Variants in INPP5D observed in about 807,000 individuals in gnomAD.
INPP5D encodes the protein inositol polyphosphate-5-phosphatase D.
In INPP5D, 33 loss-of-function variants were observed where a neutral mutation model predicts 122.9. That is an observed-to-expected ratio of 0.27 (90% CI 0.20 to 0.36). The LOEUF is 0.36. Among genes scored for constraint, INPP5D ranks in the 10% least tolerant of loss-of-function variants. INPP5D has a pLI of 1.00. For missense variants in INPP5D, 1,053 were observed against 1,412.7 expected (o/e 0.75, Z 4.08); for synonymous variants, 584 against 576.2 (o/e 1.01, Z -0.19).
At chr2:233,198,444 A>C in intron 25 of INPP5D, 68 bp downstream of exon 25, 1 of 1,526,316 alleles carries the variant, frequency 6.6e-7, no homozygotes, top group Middle Eastern at 1.8e-4. Context: ...TTGGGCTTTC[A>C]CCCTAGAATG....
At chr2:233,117,956 T>G (rs956596684) in intron 2 of INPP5D, among the ~76,000 whole-genome samples, 1 of 152,290 alleles carries the variant, frequency 6.6e-6, no homozygotes, top group Admixed American at 6.5e-5. Context: ...GGCAAATCCA[T>G]GGAACCACTA....
intron 17 of INPP5D, among the ~76,000 whole-genome samples, chr2:233,175,501 G>T (rs1007087465): frequency 2.0e-5 from 3 of 152,094 alleles, no homozygotes; most frequent in Non-Finnish European, 2.9e-5. Context: ...GGCTTATGAG[G>T]GAAGCTTTAG....
chr2:233,177,496 T>G lies in INPP5D; in HGVS notation c.2071+150T>G. On this transcript the variant is annotated intron_variant, in intron 18 of 26. Transcript: ENST00000445964. This position sits in a 1 kb window ranked among gnomAD's most constrained non-coding sequence, Gnocchi z 4.2. Reference sequence around the variant, plus strand: ...CCCTAATCAGGCGACCTGGAAATGTTGATGCTTCCCTGCCTGTCTTGTGCT... The same window carrying G: ...CCCTAATCAGGCGACCTGGAAATGTGGATGCTTCCCTGCCTGTCTTGTGCT... 1 of 1,320,256 alleles carries G rather than the reference T, an allele frequency of 7.6e-7. No homozygotes were observed. The highest frequency in any genetic ancestry group is 1.5e-5 in the African/African-American group (1 of 68,688). The allele number at this position is 1,320,256 out of a possible 1,614,324, so 81.8% of individuals were successfully genotyped here.
chr2:233,202,666 C>T lies in INPP5D; in HGVS notation c.2976-1460C>T, dbSNP rs569871994. On this transcript the variant is annotated intron_variant, in intron 25 of 26. Transcript: ENST00000445964. ...TTCCCAGCGATCCACAATTTCTTCA[C>T]GATAGCTTCCTTTTCTGTAGAAAGC... 1.8e-4 allele frequency among the ~76,000 whole-genome samples: 27 copies of T among 152,348 alleles called. 1 individual carries two copies. In the South Asian group the frequency reaches 2.9e-3, roughly 16 times the overall value.
chr2:233,190,491 CT>C (rs991208911), intron 22 of INPP5D, among the ~76,000 whole-genome samples: 4 of 152,356 alleles, frequency 2.6e-5, no homozygotes, highest in Non-Finnish European at 5.9e-5. Flanking sequence ...CGAAGACCCC[CT>C]CTCCCCAGCC....
At chr2:233,145,406 C>A (rs1559316814) in intron 6 of INPP5D, 2 of 444,936 alleles carry the variant, frequency 4.5e-6, no homozygotes, top group Non-Finnish European at 9.1e-6. Flanking sequence ...GATCTCCATT[C>A]TCACGGAGCC....
At chr2:233,194,549 G>A (rs917642778) in intron 23 of INPP5D, among the ~76,000 whole-genome samples, 1 of 145,254 alleles carries the variant, frequency 6.9e-6, no homozygotes, top group Admixed American at 7.0e-5. Flanking sequence ...TCAGGCTGGA[G>A]TGCAGTGGCA....
intron 2 of INPP5D, among the ~76,000 whole-genome samples, chr2:233,099,792 G>C (rs548435065): frequency 6.6e-6 from 1 of 152,268 alleles, no homozygotes; most frequent in African/African-American, 2.4e-5. Flanking sequence ...GGGGTGGGGC[G>C]TGTATTAGTC....
chr2:233,076,667 T>A (rs1306229005), intron 1 of INPP5D, among the ~76,000 whole-genome samples: 3 of 151,988 alleles, frequency 2.0e-5, no homozygotes, highest in South Asian at 2.1e-4. Flanking sequence ...TATATCAGAG[T>A]CTTATTCATA....
intron 6 of INPP5D, 129 bp from the exon 7 acceptor site, chr2:233,146,032 GA>G (rs1248896441): frequency 2.8e-6 from 2 of 703,008 alleles, no homozygotes; most frequent in African/African-American, 3.5e-5. Flanking sequence ...GCCAGAAGGG[GA>G]TAATAATAGA....
At chr2:233,107,932 T>C (rs1355061256) in intron 2 of INPP5D, among the ~76,000 whole-genome samples, 1 of 152,158 alleles carries the variant, frequency 6.6e-6, no homozygotes, top group East Asian at 1.9e-4. Context: ...GAGACTGGCA[T>C]TGGCTTTTAC....
In INPP5D at chr2:233,163,783, G is replaced by A. The variant is rs531976699; in HGVS notation, c.1317G>A (p.Ala439=). The change falls in exon 12 of 27, where the codon GCG becomes GCA. Residue 439 remains alanine, a synonymous_variant. Coordinates refer to ENST00000445964, the MANE Select transcript of INPP5D (RefSeq NM_001017915.3). ...KGQGKTRDDS[A]DYIPHDIYVI... ...AGGGAAAGACGCGGGACGACTCTGC[G>A]GACTACATCCCCCATGACATTTACG... 19 of 1,613,904 alleles carry A rather than the reference G, an allele frequency of 1.2e-5. No homozygotes were observed. The highest frequency in any genetic ancestry group is 2.2e-5 in the East Asian group (1 of 44,886).
In INPP5D at chr2:233,177,878, A is replaced by G. The variant is rs531375680; in HGVS notation, c.2071+532A>G. On this transcript the variant is annotated intron_variant, in intron 18 of 26. Transcript: ENST00000445964. This position sits in a 1 kb window ranked among gnomAD's most constrained non-coding sequence, Gnocchi z 4.2. The stretch of plus-strand genomic sequence containing the variant: ...GCATGAGCCACCGCGGCCGACCCGG[A>G]GCACTTTTTTAAAAATTCAGTTTTA... Among the ~76,000 whole-genome samples the G allele has an allele frequency of 2.6e-5, 4 of 152,330 alleles. No homozygotes were observed. The highest frequency in any genetic ancestry group is 9.6e-5 in the African/African-American group (4 of 41,582).
chr2:233,117,330 C>T (rs1263558209), intron 2 of INPP5D, among the ~76,000 whole-genome samples: 1 of 152,170 alleles, frequency 6.6e-6, no homozygotes, highest in Non-Finnish European at 1.5e-5. Context: ...CCCTCTGTCT[C>T]CTTGGGCGCC....
At chr2:233,076,961 GTC>G (rs1328246167) in intron 1 of INPP5D, among the ~76,000 whole-genome samples, 6 of 152,204 alleles carry the variant, frequency 3.9e-5, no homozygotes, top group Non-Finnish European at 1.5e-5. Context: ...ACAGTTGGTA[GTC>G]TCTATCAAAA....
chr2:233,117,820 G>A (rs531078517), intron 2 of INPP5D, among the ~76,000 whole-genome samples: 11 of 152,324 alleles, frequency 7.2e-5, no homozygotes, highest in East Asian at 1.9e-4. Flanking sequence ...GCTGGGGGAT[G>A]TGAGTGAGGG....
chr2:233,140,092 C>A, intron 6 of INPP5D, 163 bp downstream of exon 6: 1 of 386,624 alleles, frequency 2.6e-6, no homozygotes, highest in East Asian at 3.7e-5. Context: ...AGCCTCAGCC[C>A]CTGCCCTTTC....
chr2:233,068,607 G>A (rs981138550), intron 1 of INPP5D, among the ~76,000 whole-genome samples: 2 of 151,724 alleles, frequency 1.3e-5, no homozygotes, highest in African/African-American at 4.9e-5. Context: ...AAAAAAAATC[G>A]TGCTGGCAAT....
At chr2:233,081,427 C>T (rs1020289167) in intron 2 of INPP5D, among the ~76,000 whole-genome samples, 6 of 152,220 alleles carry the variant, frequency 3.9e-5, no homozygotes, top group Non-Finnish European at 5.9e-5. Flanking sequence ...TTCTTCTCTT[C>T]CTTCAAAGTG....
Sources: gnomAD v4.1 joint callset for allele counts (sites outside exome capture counted in the v4.1 genomes callset) on GRCh38, gnomAD v4.1.1 for gene constraint, Gnocchi (gnomAD v3.1) non-coding constraint, MANE v1.5 for transcripts, NCBI Gene and HGNC (gene_info 2026-07-23, HGNC 2026-07-21) for gene names.